CACNA2D3: variants seen among roughly 807,000 people sequenced by gnomAD.
The protein encoded by CACNA2D3 is voltage-dependent calcium channel subunit alpha-2/delta-3.
A neutral mutation model predicts 160.6 loss-of-function variants in CACNA2D3; 60 were observed. The observed-to-expected ratio is 0.37, with a 90% confidence interval of 0.30 to 0.46. CACNA2D3 has a LOEUF of 0.46. Among genes scored for constraint, CACNA2D3 ranks in the 20% least tolerant of loss-of-function variants. The pLI is 1.00. For synonymous variants in CACNA2D3, 558 were observed against 492.9 expected, an observed-to-expected ratio of 1.13 and a Z score of -1.75; for missense variants, 1,205 against 1,365.0, an observed-to-expected ratio of 0.88 and a Z score of 1.85.
chr3:54,403,815 A>G (rs1699521924), intron 4 of CACNA2D3, among the ~76,000 whole-genome samples: 1 of 152,186 alleles, frequency 6.6e-6, no homozygotes, highest in South Asian at 2.1e-4. Flanking sequence ...ACATTATAAC[A>G]GAAGCCTCAG....
At chr3:54,512,314 G>A (rs1440048958) in intron 5 of CACNA2D3, among the ~76,000 whole-genome samples, 3 of 152,216 alleles carry the variant, frequency 2.0e-5, no homozygotes, top group Non-Finnish European at 4.4e-5. Context: ...TCTGTGCAAA[G>A]ACAATGATAG....
At chr3:54,997,559 C>CA (rs200939267) in intron 31 of CACNA2D3, among the ~76,000 whole-genome samples, 5,412 of 147,094 alleles carry the variant, frequency 0.037, 134 homozygotes, top group Middle Eastern at 0.076. Flanking sequence ...CACCCCCACC[C>CA]AAAAAAAAAG....
chr3:54,471,635 A>G (rs1399133335), intron 4 of CACNA2D3, among the ~76,000 whole-genome samples: 3 of 152,204 alleles, frequency 2.0e-5, no homozygotes, highest in African/African-American at 7.2e-5. Context: ...AAAGATTAAC[A>G]AAATAGCTAG....
chr3:54,136,194 T>A (rs1242337809), intron 2 of CACNA2D3, among the ~76,000 whole-genome samples: 1 of 152,206 alleles, frequency 6.6e-6, no homozygotes, highest in Non-Finnish European at 1.5e-5. Flanking sequence ...AAATATTTGG[T>A]CCCAGTGTGT....
At chr3:54,414,063 T>C (rs1409592032) in intron 4 of CACNA2D3, among the ~76,000 whole-genome samples, 1 of 151,870 alleles carries the variant, frequency 6.6e-6, no homozygotes, top group Non-Finnish European at 1.5e-5. Context: ...TACTAAGAAA[T>C]AGTATAGTTT....
intron 27 of CACNA2D3, among the ~76,000 whole-genome samples, chr3:54,958,973 T>C (rs897787150): frequency 9.2e-5 from 14 of 151,962 alleles, no homozygotes; most frequent in Non-Finnish European, 1.5e-4. Context: ...TGGTGGCACA[T>C]GCCTGTAGTC....
chr3:54,530,913 C>T (rs1701796118), intron 5 of CACNA2D3, among the ~76,000 whole-genome samples: 1 of 152,202 alleles, frequency 6.6e-6, no homozygotes, highest in Non-Finnish European at 1.5e-5. Context: ...ACCACTGAGA[C>T]CGGCCTAGCT....
At chr3:54,838,769 TG>T in intron 16 of CACNA2D3, 121 bp downstream of exon 16, 1 of 744,850 alleles carries the variant, frequency 1.3e-6, no homozygotes, top group Non-Finnish European at 2.4e-6. Flanking sequence ...TATTACAGCC[TG>T]TTAGCTTGTC....
intron 4 of CACNA2D3, among the ~76,000 whole-genome samples, chr3:54,410,963 AT>A (rs1699658358): frequency 6.6e-6 from 1 of 152,200 alleles, no homozygotes; most frequent in South Asian, 2.1e-4. Flanking sequence ...ATTAACAAGA[AT>A]TTGTCAGAGT....
chr3:54,852,051 C>G (rs566102695), intron 17 of CACNA2D3, among the ~76,000 whole-genome samples: 1 of 152,314 alleles, frequency 6.6e-6, no homozygotes, highest in South Asian at 2.1e-4. Context: ...AGAGCAGGCT[C>G]TATTTCCACC....
intron 27 of CACNA2D3, chr3:54,924,593 G>A: frequency 1.3e-6 from 2 of 1,546,964 alleles, no homozygotes; most frequent in Non-Finnish European, 1.8e-6. Flanking sequence ...CACACAGATG[G>A]GGGGTTCCAA....
chr3:54,209,953 G>A (rs945974573), intron 2 of CACNA2D3, among the ~76,000 whole-genome samples: 1 of 152,130 alleles, frequency 6.6e-6, no homozygotes, highest in African/African-American at 2.4e-5. Context: ...TTTGAGAATG[G>A]ATTTGGGGTA....
intron 2 of CACNA2D3, among the ~76,000 whole-genome samples, chr3:54,128,687 A>C (rs1699646985): frequency 6.6e-6 from 1 of 152,210 alleles, no homozygotes; most frequent in Non-Finnish European, 1.5e-5. Context: ...TTGTAGTCAC[A>C]GTGCTTGTTG....
At chr3:54,727,329 C>A (rs979552529) in intron 11 of CACNA2D3, among the ~76,000 whole-genome samples, 22 of 152,146 alleles carry the variant, frequency 1.4e-4, no homozygotes, top group African/African-American at 5.3e-4. Flanking sequence ...TTAGTTTAAC[C>A]ATTGTGGAAG....
intron 2 of CACNA2D3, among the ~76,000 whole-genome samples, chr3:54,212,945 G>C (rs1701401911): frequency 6.6e-6 from 1 of 152,028 alleles, no homozygotes; most frequent in African/African-American, 2.4e-5. Flanking sequence ...CACATTCCAG[G>C]CCTCCTAATT....
At chr3:54,132,920 A>G (rs2107255796) in intron 2 of CACNA2D3, among the ~76,000 whole-genome samples, 1 of 152,284 alleles carries the variant, frequency 6.6e-6, no homozygotes, top group South Asian at 2.1e-4. Flanking sequence ...GAGAGGCCCA[A>G]ATGAGAAGAT....
At chr3:54,465,851 C>T (rs1700614202) in intron 4 of CACNA2D3, among the ~76,000 whole-genome samples, 2 of 152,180 alleles carry the variant, frequency 1.3e-5, no homozygotes, top group Admixed American at 1.3e-4. Flanking sequence ...CCCTGGATCT[C>T]ACAAGGCTGA....
At chr3:54,501,683 G>T (rs1575491567) in intron 4 of CACNA2D3, among the ~76,000 whole-genome samples, 2 of 151,978 alleles carry the variant, frequency 1.3e-5, no homozygotes, top group Non-Finnish European at 1.5e-5. Context: ...GTTTCCCAAA[G>T]TTCTGGGATT....
At chr3:54,890,533 AT>A (rs1349757853) in intron 24 of CACNA2D3, among the ~76,000 whole-genome samples, 9 of 151,944 alleles carry the variant, frequency 5.9e-5, no homozygotes, top group Non-Finnish European at 1.3e-4. Flanking sequence ...AAGAAAAAAA[AT>A]ATTATGTGTT....
Sources: allele counts gnomAD v4.1 joint callset (sites outside exome capture counted in the v4.1 genomes callset), GRCh38; gene constraint gnomAD v4.1.1; transcripts MANE v1.5; gene names NCBI Gene and HGNC (gene_info 2026-07-23, HGNC 2026-07-21).